YPEL1: variants seen among roughly 807,000 people sequenced by gnomAD.
YPEL1 encodes the protein yippee like 1, also known as protein yippee-like 1.
A neutral mutation model predicts 17.3 loss-of-function variants in YPEL1; 7 were observed. The observed-to-expected ratio is 0.40, with a 90% confidence interval of 0.23 to 0.76. The LOEUF is 0.76. Ranked by LOEUF, YPEL1 falls within the 30% of genes least tolerant of loss-of-function variation. The pLI, the probability that YPEL1 is intolerant of heterozygous loss-of-function variation, is 0.35. For synonymous variants in YPEL1, 59 were observed against 59.6 expected (o/e 0.99, Z 0.05); for missense variants, 91 against 155.5 (o/e 0.59, Z 2.21).
chr22:21,706,389 C>T (rs921485229), intron 2 of YPEL1, among the ~76,000 whole-genome samples: 1 of 149,484 alleles, frequency 6.7e-6, no homozygotes, highest in Non-Finnish European at 1.5e-5. Flanking sequence ...GAGCCGAGAT[C>T]GCGCCACTGC....
At position 21,701,050 on chromosome 22, in the gene YPEL1, C is replaced by A. The variant is rs2068060273; in HGVS notation, c.*79G>T. 4 of 1,334,542 alleles carry A rather than the reference C, an allele frequency of 3.0e-6. No individual in the cohort carries two copies. The highest frequency in any genetic ancestry group is 3.2e-6 in the Non-Finnish European group (3 of 934,298). The allele number at this position is 1,334,542 out of a possible 1,614,324, so 82.7% of individuals were successfully genotyped here. ...GGTCAGAGGGCAAGAAAGGCTGTCA[C>A]CAGATGCTCCTACGTTTCCATTACA... is the stretch of plus-strand genomic sequence containing the variant. On this transcript the variant is annotated 3_prime_UTR_variant, in exon 5 of 5. Transcript: ENST00000339468.
In YPEL1 at chr22:21,703,309, G is replaced by T; in HGVS notation, c.270+61C>A. 2 of 1,452,332 alleles carry T rather than the reference G, an allele frequency of 1.4e-6. No individual in the cohort carries two copies. Among genetic ancestry groups the T allele is most frequent in the Non-Finnish European group, 1.9e-6 (2 of 1,038,576 alleles). 90.0% of individuals were successfully genotyped at this position (1,452,332 alleles called of 1,614,324 possible). On this transcript the variant is annotated intron_variant, in intron 4 of 4. Transcript: ENST00000339468. This position sits in a 1 kb window ranked among gnomAD's most constrained non-coding sequence, Gnocchi z 6.1. ...GGGCCACACTGCACGGGGAGGTGTG[G>T]CTCAGTGGCAACTTAGTGCCACATC...
chr22:21,715,769 T>C (rs1163846455), intron 1 of YPEL1, among the ~76,000 whole-genome samples: 20 of 127,930 alleles, frequency 1.6e-4, no homozygotes, highest in South Asian at 5.2e-4. Context: ...TTCTTTTTTT[T>C]TTTTTTTTTT....
At chr22:21,706,646 G>C (rs931748520) in intron 2 of YPEL1, among the ~76,000 whole-genome samples, 1 of 151,876 alleles carries the variant, frequency 6.6e-6, no homozygotes, top group South Asian at 2.1e-4. Context: ...AGGAGTTCAA[G>C]ACCAGGCTAG....
intron 2 of YPEL1, among the ~76,000 whole-genome samples, chr22:21,708,118 G>C (rs140337476): frequency 2.0e-5 from 3 of 151,960 alleles, no homozygotes; most frequent in Non-Finnish European, 4.4e-5. Flanking sequence ...AGGTGTTCTC[G>C]ATGGTCTCAA....
chr22:21,728,519 G>A (rs911947922), intron 1 of YPEL1, among the ~76,000 whole-genome samples: 1 of 152,094 alleles, frequency 6.6e-6, no homozygotes, highest in Non-Finnish European at 1.5e-5. Flanking sequence ...TTAGCCCCAC[G>A]ATGCACATGG....
chr22:21,721,824 C>T (rs975749081), intron 1 of YPEL1, among the ~76,000 whole-genome samples: 1 of 152,268 alleles, frequency 6.6e-6, no homozygotes, highest in Non-Finnish European at 1.5e-5. Context: ...CTCTAGGGCT[C>T]GTTCATCTTC....
intron 1 of YPEL1, among the ~76,000 whole-genome samples, chr22:21,715,608 T>C (rs112643968): frequency 0.21 from 31,462 of 151,634 alleles, 3,464 homozygotes; most frequent in African/African-American, 0.23. Context: ...TTTTTTGAGA[T>C]GGAATCTCTG....
chr22:21,733,745 A>C (rs2068410636), intron 1 of YPEL1, among the ~76,000 whole-genome samples: 1 of 152,198 alleles, frequency 6.6e-6, no homozygotes, highest in Non-Finnish European at 1.5e-5. Context: ...GTTTGTTGAA[A>C]TAAACAAACC....
chr22:21,705,973 T>C lies in YPEL1; in HGVS notation c.118-2091A>G, dbSNP rs569182935. On this transcript the variant is annotated intron_variant, in intron 2 of 4. Coordinates refer to ENST00000339468, the MANE Select transcript of YPEL1 (RefSeq NM_013313.5). ...GGAGAAATCCCGTCTCTGATAAAAA[T>C]ATAAAAATTAGCTGGGCATGGTGGA... Among the ~76,000 whole-genome samples the C allele has an allele frequency of 2.6e-5, 4 of 151,328 alleles. No individual in the cohort carries two copies. In the South Asian group the frequency reaches 8.4e-4, roughly 32 times the overall value.
intron 1 of YPEL1, among the ~76,000 whole-genome samples, chr22:21,726,818 G>C (rs555645878): frequency 4.6e-5 from 7 of 152,268 alleles, no homozygotes; most frequent in South Asian, 2.1e-4. Context: ...GCAGCGACAA[G>C]CTCAGATCTC....
intron 1 of YPEL1, among the ~76,000 whole-genome samples, chr22:21,733,458 G>A (rs1188847364): frequency 1.3e-5 from 2 of 151,836 alleles, no homozygotes; most frequent in East Asian, 3.9e-4. Context: ...AACTAACTGG[G>A]GGTGGTGGCT....
chr22:21,734,761 G>C (rs2068420892), intron 1 of YPEL1, among the ~76,000 whole-genome samples: 1 of 152,206 alleles, frequency 6.6e-6, no homozygotes, highest in Non-Finnish European at 1.5e-5. Flanking sequence ...TCTATAGCTT[G>C]CTCAGGTGAG....
At chr22:21,712,492 C>T (rs921468158) in intron 1 of YPEL1, among the ~76,000 whole-genome samples, 2 of 151,308 alleles carry the variant, frequency 1.3e-5, no homozygotes, top group African/African-American at 2.4e-5. Context: ...TATGGGAGGC[C>T]GAAGAAGGTG....
chr22:21,733,801 G>T (rs2068411420), intron 1 of YPEL1, among the ~76,000 whole-genome samples: 1 of 152,180 alleles, frequency 6.6e-6, no homozygotes, highest in Non-Finnish European at 1.5e-5. Context: ...AAAACCTATA[G>T]GGTAGCCTCT....
chr22:21,726,080 C>A (rs2068332595), intron 1 of YPEL1, among the ~76,000 whole-genome samples: 1 of 152,194 alleles, frequency 6.6e-6, no homozygotes, highest in Non-Finnish European at 1.5e-5. Flanking sequence ...CCATGGGCAC[C>A]AAGGAGTCTC....
At chr22:21,717,254 T>C (rs1322594012) in intron 1 of YPEL1, among the ~76,000 whole-genome samples, 2 of 151,730 alleles carry the variant, frequency 1.3e-5, no homozygotes, top group African/African-American at 2.4e-5. Flanking sequence ...TGTCTGCCTG[T>C]AGTCTCAGCT....
chr22:21,712,341 C>G (rs2068174774), intron 1 of YPEL1, among the ~76,000 whole-genome samples: 1 of 137,672 alleles, frequency 7.3e-6, no homozygotes, highest in Non-Finnish European at 1.5e-5. Context: ...TCCATATTCT[C>G]TATATATCCT....
intron 2 of YPEL1, among the ~76,000 whole-genome samples, chr22:21,704,658 G>GAA (rs34942655): frequency 2.3e-3 from 200 of 88,158 alleles, no homozygotes; most frequent in African/African-American, 7.9e-3. Context: ...ACCCCGTCTC[G>GAA]AAAAAAAAAA....
Sources: gnomAD v4.1 joint callset for allele counts (sites outside exome capture counted in the v4.1 genomes callset) on GRCh38, gnomAD v4.1.1 for gene constraint, Gnocchi (gnomAD v3.1) non-coding constraint, MANE v1.5 for transcripts, NCBI Gene and HGNC (gene_info 2026-07-23, HGNC 2026-07-21) for gene names.